CTNNA2: variants seen among roughly 807,000 people sequenced by gnomAD.
CTNNA2 encodes catenin alpha 2, also known as catenin alpha-2.
In CTNNA2, 42 loss-of-function variants were observed where a neutral mutation model predicts 101.0. The ratio of observed to expected loss-of-function variants is 0.42; its 90% CI spans 0.32 to 0.54. The LOEUF (loss-of-function observed/expected upper bound fraction) is 0.54, where lower values mean the gene tolerates loss of function less well. Ranked by LOEUF, CTNNA2 falls within the 20% of genes least tolerant of loss-of-function variation. The pLI, the probability that CTNNA2 is intolerant of heterozygous loss-of-function variation, is 0.14. For missense variants in CTNNA2, 871 were observed against 1,223.1 expected, an observed-to-expected ratio of 0.71 and a Z score of 4.29; for synonymous variants, 450 against 456.4, an observed-to-expected ratio of 0.99 and a Z score of 0.18.
intron 17 of CTNNA2, among the ~76,000 whole-genome samples, chr2:80,618,246 C>A (rs1402318034): frequency 2.6e-5 from 4 of 151,980 alleles, no homozygotes; most frequent in African/African-American, 7.2e-5. Flanking sequence ...GTTGGCATCA[C>A]TGGGTCATGT....
chr2:79,698,500 C>A (rs909822211), intron 2 of CTNNA2, among the ~76,000 whole-genome samples: 2 of 152,062 alleles, frequency 1.3e-5, no homozygotes, highest in African/African-American at 2.4e-5. Flanking sequence ...GGTAAGAGAA[C>A]ATTTAAAAAT....
chr2:80,048,695 T>C (rs1696683781), intron 7 of CTNNA2, among the ~76,000 whole-genome samples: 1 of 152,238 alleles, frequency 6.6e-6, no homozygotes, highest in Non-Finnish European at 1.5e-5. Context: ...GGGGATAAAC[T>C]GGCGTATAAG....
intron 3 of CTNNA2, among the ~76,000 whole-genome samples, chr2:79,349,185 TG>T (rs1416657480): frequency 6.6e-6 from 1 of 152,126 alleles, no homozygotes; most frequent in African/African-American, 2.4e-5. Context: ...TGTAAGTTTG[TG>T]GATAGGGTAT....
chr2:79,287,741 G>A (rs1675651629), intron 2 of CTNNA2, among the ~76,000 whole-genome samples: 2 of 152,176 alleles, frequency 1.3e-5, no homozygotes, highest in Non-Finnish European at 2.9e-5. Context: ...GCCTACAGAG[G>A]CAAGCAGGCC....
At chr2:79,527,167 A>T (rs190511962) in intron 1 of CTNNA2, among the ~76,000 whole-genome samples, 1 of 152,240 alleles carries the variant, frequency 6.6e-6, no homozygotes, top group Admixed American at 6.6e-5. Flanking sequence ...ACAGCTTAAT[A>T]GTAAAAAGAA....
At chr2:79,584,769 C>T (rs1676373250) in intron 1 of CTNNA2, among the ~76,000 whole-genome samples, 1 of 152,146 alleles carries the variant, frequency 6.6e-6, no homozygotes, top group Admixed American at 6.5e-5. Flanking sequence ...ATCCATCTGC[C>T]TCAGCCTCCC....
intron 7 of CTNNA2, among the ~76,000 whole-genome samples, chr2:79,929,754 A>C (rs1028151533): frequency 1.3e-5 from 2 of 152,142 alleles, no homozygotes; most frequent in Non-Finnish European, 2.9e-5. Flanking sequence ...TTGAAAAATG[A>C]GAGGGAAGTT....
chr2:79,395,534 T>A (rs1020251286), intron 4 of CTNNA2, among the ~76,000 whole-genome samples: 2 of 152,178 alleles, frequency 1.3e-5, no homozygotes, highest in African/African-American at 4.8e-5. Context: ...AATTTTTGAA[T>A]GTTGCCTTAG....
At chr2:79,573,079 G>A (rs900748931) in intron 1 of CTNNA2, among the ~76,000 whole-genome samples, 14 of 151,906 alleles carry the variant, frequency 9.2e-5, no homozygotes, top group Admixed American at 2.0e-4. Context: ...CCTCCATACC[G>A]CTTATGAACT....
At chr2:80,480,954 C>G (rs1686096352) in intron 9 of CTNNA2, among the ~76,000 whole-genome samples, 1 of 152,090 alleles carries the variant, frequency 6.6e-6, no homozygotes, top group Non-Finnish European at 1.5e-5. Flanking sequence ...GGTGGGTGAA[C>G]AGGTGAGTGA....
intron 7 of CTNNA2, among the ~76,000 whole-genome samples, chr2:79,968,583 G>A (rs1354843090): frequency 1.3e-5 from 2 of 152,110 alleles, no homozygotes; most frequent in Non-Finnish European, 2.9e-5. Flanking sequence ...AAGTCAGGAG[G>A]ATCAGTTGAG....
chr2:79,303,212 T>G (rs1464233371), intron 2 of CTNNA2, among the ~76,000 whole-genome samples: 1 of 152,172 alleles, frequency 6.6e-6, no homozygotes, highest in Non-Finnish European at 1.5e-5. Context: ...TCTGATGGAA[T>G]AGAAACTGGA....
chr2:79,709,728 C>T (rs1248763521), intron 2 of CTNNA2, among the ~76,000 whole-genome samples: 2 of 152,146 alleles, frequency 1.3e-5, no homozygotes, highest in South Asian at 2.1e-4. Context: ...TTGCAATATT[C>T]TCAGCAGGAA....
chr2:79,445,561 T>C (rs963365340), intron 4 of CTNNA2, among the ~76,000 whole-genome samples: 6 of 152,172 alleles, frequency 3.9e-5, no homozygotes, highest in Non-Finnish European at 8.8e-5. Flanking sequence ...AATTTTCCAT[T>C]TAAGTGAAAA....
chr2:80,474,696 G>A (rs958951305), intron 9 of CTNNA2, among the ~76,000 whole-genome samples: 1 of 152,066 alleles, frequency 6.6e-6, no homozygotes. Context: ...TTCCTGTGGA[G>A]CCATGAATTC....
At chr2:79,761,272 T>C (rs17017815) in intron 3 of CTNNA2, among the ~76,000 whole-genome samples, 3,051 of 152,298 alleles carry the variant, frequency 0.02, 84 homozygotes, top group African/African-American at 0.069. Context: ...AAGGATTTAA[T>C]GAGCTGTTGG....
intron 1 of CTNNA2, among the ~76,000 whole-genome samples, chr2:79,637,608 T>C (rs553058894): frequency 2.0e-5 from 3 of 152,324 alleles, no homozygotes; most frequent in African/African-American, 7.2e-5. Context: ...AGGTCTAGTC[T>C]TCTCTGACAA....
intron 1 of CTNNA2, among the ~76,000 whole-genome samples, chr2:79,567,879 G>T (rs113130720): frequency 1.8e-3 from 270 of 152,280 alleles, no homozygotes; most frequent in African/African-American, 6.1e-3. Context: ...GTTTGAAATT[G>T]AGGGAGAAAG....
At chr2:79,876,534 T>C (rs1683038378) in intron 6 of CTNNA2, among the ~76,000 whole-genome samples, 1 of 152,122 alleles carries the variant, frequency 6.6e-6, no homozygotes, top group Non-Finnish European at 1.5e-5. Context: ...AAAACCTAAG[T>C]GAGGAGCTGG....
Sources: gnomAD v4.1 joint callset for allele counts (sites outside exome capture counted in the v4.1 genomes callset) on GRCh38, gnomAD v4.1.1 for gene constraint, MANE v1.5 for transcripts, NCBI Gene and HGNC (gene_info 2026-07-23, HGNC 2026-07-21) for gene names.